OTUD3: variants seen among roughly 807,000 people sequenced by gnomAD.
OTUD3 encodes OTU domain-containing protein 3.
In OTUD3, 24 loss-of-function variants were observed where a neutral mutation model predicts 46.2. The ratio of observed to expected loss-of-function variants is 0.52; its 90% CI spans 0.38 to 0.73. The LOEUF (loss-of-function observed/expected upper bound fraction) is 0.73, where lower values mean the gene tolerates loss of function less well. Ranked by LOEUF, OTUD3 falls within the 30% of genes least tolerant of loss-of-function variation. OTUD3 has a pLI of 0.00. For synonymous variants in OTUD3, 189 were observed against 195.4 expected (o/e 0.97, Z 0.27); for missense variants, 455 against 523.3 (o/e 0.87, Z 1.27).
chr1:19,884,170 G>A (rs2045321986), intron 1 of OTUD3, among the ~76,000 whole-genome samples: 1 of 152,196 alleles, frequency 6.6e-6, no homozygotes, highest in African/African-American at 2.4e-5. Flanking sequence ...TGGAATTGGC[G>A]TGGGACATTG....
intron 4 of OTUD3, chr1:19,897,898 G>A (rs1213710937): frequency 1.6e-5 from 5 of 310,546 alleles, no homozygotes; most frequent in East Asian, 5.6e-5. Flanking sequence ...ATGTGTATAA[G>A]ATACATGGAA....
At chr1:19,898,925 C>T (rs1306628077) in intron 4 of OTUD3, among the ~76,000 whole-genome samples, 3 of 152,150 alleles carry the variant, frequency 2.0e-5, no homozygotes, top group African/African-American at 7.2e-5. Flanking sequence ...ATCTTCCCAC[C>T]TTGGCCTCAT....
rs1441376843 is a variant in OTUD3 at position 19,908,934 on chromosome 1, G to A, written c.*1188G>A. On this transcript the variant is annotated 3_prime_UTR_variant, in exon 8 of 8. Transcript: ENST00000375120. ...GCAGAGAAGAGAACATACTTTGGTT[G>A]AGGCCTTCGAATCACTCTTCAGTTC... 6.6e-6 allele frequency: 1 copy of A among 152,390 alleles called. No individual in the cohort carries two copies. The highest frequency in any genetic ancestry group is 1.5e-5 in the Non-Finnish European group (1 of 68,050). The allele number at this position is 152,390 out of a possible 1,614,324, so 9.4% of individuals were successfully genotyped here.
In OTUD3 at chr1:19,902,895, T is replaced by C. The variant is rs1197439497; in HGVS notation, c.607-1372T>C. On this transcript the variant is annotated intron_variant, in intron 4 of 7. Transcript: ENST00000375120. ...AATAATGGGGGGAGTGATTATTGTGTTTCTTCCTTTAGTGGGAATGAAGAC... is the reference window on the plus strand; with the variant it reads ...AATAATGGGGGGAGTGATTATTGTGCTTCTTCCTTTAGTGGGAATGAAGAC... Among the ~76,000 whole-genome samples, 9 of 152,308 alleles carry C rather than the reference T, an allele frequency of 5.9e-5. No homozygotes were observed. In the East Asian group the frequency reaches 1.7e-3, roughly 29 times the overall value.
chr1:19,892,661 A>G (rs925502260), intron 2 of OTUD3, among the ~76,000 whole-genome samples: 18 of 151,770 alleles, frequency 1.2e-4, no homozygotes, highest in African/African-American at 4.1e-4. Context: ...ACATGTTATC[A>G]CTCTACCTCA....
intron 4 of OTUD3, among the ~76,000 whole-genome samples, chr1:19,902,291 C>T (rs1393778233): frequency 4.6e-5 from 7 of 152,130 alleles, no homozygotes; most frequent in Non-Finnish European, 1.0e-4. Context: ...TGGCAAGCTC[C>T]GCCTCCCGGG....
chr1:19,907,779 C>T lies in OTUD3; in HGVS notation c.*33C>T. 1 of 1,605,246 alleles carries T rather than the reference C, an allele frequency of 6.2e-7. No individual in the cohort carries two copies. Among genetic ancestry groups the T allele is most frequent in the East Asian group, 2.2e-5 (1 of 44,778 alleles). On this transcript the variant is annotated 3_prime_UTR_variant, in exon 8 of 8. Coordinates refer to ENST00000375120, the MANE Select transcript of OTUD3 (RefSeq NM_015207.2). ...GCCTCTTGGGAGTTGTAAGAAGCGGCTGGAAAAGGATTGCTGTGTGCTAGA... is the reference window on the plus strand; with the variant it reads ...GCCTCTTGGGAGTTGTAAGAAGCGGTTGGAAAAGGATTGCTGTGTGCTAGA...
intron 2 of OTUD3, among the ~76,000 whole-genome samples, chr1:19,893,902 C>T (rs1308704631): frequency 6.6e-6 from 1 of 152,224 alleles, no homozygotes; most frequent in Admixed American, 6.5e-5. Flanking sequence ...GGTGAAACCT[C>T]AGCTCCACTG....
At chr1:19,886,332 T>G (rs1195324935) in intron 1 of OTUD3, among the ~76,000 whole-genome samples, 2 of 152,238 alleles carry the variant, frequency 1.3e-5, no homozygotes, top group African/African-American at 2.4e-5. Context: ...ATCACTAATT[T>G]TAGCTGTTTA....
Position 19,909,572 on chromosome 1 carries a change from C to T in OTUD3, c.*1826C>T, listed in dbSNP as rs1459830260. 6.6e-6 allele frequency: 1 copy of T among 152,336 alleles called. No individual in the cohort carries two copies. Among genetic ancestry groups the T allele is most frequent in the East Asian group, 1.9e-4 (1 of 5,332 alleles). 9.4% of individuals were successfully genotyped at this position (152,336 alleles called of 1,614,324 possible). ...TTTTCAACTCTGGGCAGATTCCTGACTGGCTGAGTGTTTCTGAATGAAGAT... is the reference window on the plus strand; with the variant it reads ...TTTTCAACTCTGGGCAGATTCCTGATTGGCTGAGTGTTTCTGAATGAAGAT... On this transcript the variant is annotated 3_prime_UTR_variant, in exon 8 of 8. Transcript: ENST00000375120.
chr1:19,892,331 G>A (rs1324583404), intron 2 of OTUD3, among the ~76,000 whole-genome samples: 1 of 152,176 alleles, frequency 6.6e-6, no homozygotes, highest in Non-Finnish European at 1.5e-5. Context: ...TTGAGTCATA[G>A]TTACCTGTTT....
chr1:19,909,231 A>G lies in OTUD3; in HGVS notation c.*1485A>G, dbSNP rs1469404103. ...CTGGAGTCGCCAGATTGTCTTTATC[A>G]CCAGGCCTTTGGCTTTCTTCAGTTT... On this transcript the variant is annotated 3_prime_UTR_variant, in exon 8 of 8. Transcript: ENST00000375120. 1.3e-5 allele frequency: 2 copies of G among 152,248 alleles called. No individual in the cohort carries two copies. Among genetic ancestry groups the G allele is most frequent in the Non-Finnish European group, 2.9e-5 (2 of 68,028 alleles). 9.4% of individuals were successfully genotyped at this position (152,248 alleles called of 1,614,324 possible).
intron 1 of OTUD3, 56 bp from the exon 2 acceptor site, chr1:19,890,329 T>A: frequency 6.5e-7 from 1 of 1,547,510 alleles, no homozygotes; most frequent in African/African-American, 1.4e-5. Context: ...CATCATTGTT[T>A]TAGACGAACT....
Position 19,912,216 on chromosome 1 carries a change from G to T in OTUD3, c.*4470G>T, listed in dbSNP as rs2045742323. 1 of 152,346 alleles carries T rather than the reference G, an allele frequency of 6.6e-6. No individual in the cohort carries two copies. Among genetic ancestry groups the T allele is most frequent in the Non-Finnish European group, 1.5e-5 (1 of 68,054 alleles). 9.4% of individuals were successfully genotyped at this position (152,346 alleles called of 1,614,324 possible). A position where few individuals can be genotyped will look rare whatever the true frequency, so the allele number is the denominator to read the frequency against. On this transcript the variant is annotated 3_prime_UTR_variant, in exon 8 of 8. Coordinates refer to ENST00000375120, the MANE Select transcript of OTUD3 (RefSeq NM_015207.2). ...TGCCGGACAGACTCTCTGTGGCCTG[G>T]CTCTCATCCTTGGCGTGTCAGCCTG...
chr1:19,882,897 G>A (rs1215594850), intron 1 of OTUD3, among the ~76,000 whole-genome samples, 163 bp downstream of exon 1: 5 of 152,240 alleles, frequency 3.3e-5, no homozygotes, highest in African/African-American at 1.2e-4. Flanking sequence ...TGCGAGTGAG[G>A]CGGACAAGCC....
intron 6 of OTUD3, 61 bp from the exon 7 acceptor site, chr1:19,906,371 C>G: frequency 6.8e-7 from 1 of 1,474,206 alleles, no homozygotes; most frequent in African/African-American, 1.4e-5. Flanking sequence ...ATCATTAATA[C>G]AGTCATCACC....
intron 7 of OTUD3, chr1:19,906,871 C>T (rs2045668615): frequency 1.6e-5 from 5 of 307,050 alleles, no homozygotes; most frequent in Non-Finnish European, 3.0e-5. Flanking sequence ...CCTTTTCCCA[C>T]CTAACATTAC....
At chr1:19,905,745 A>G (rs2045651012) in intron 6 of OTUD3, among the ~76,000 whole-genome samples, 1 of 150,936 alleles carries the variant, frequency 6.6e-6, no homozygotes, top group South Asian at 2.1e-4. Flanking sequence ...CCTCTCAAAA[A>G]AAAGAGAAAA....
chr1:19,912,824 C>T lies in OTUD3; in HGVS notation c.*5078C>T, dbSNP rs888469881. The T allele has an allele frequency of 2.0e-5, 3 of 152,210 alleles. No individual in the cohort carries two copies. The highest frequency in any genetic ancestry group is 4.4e-5 in the Non-Finnish European group (3 of 68,038). The allele number at this position is 152,210 out of a possible 1,614,324, so 9.4% of individuals were successfully genotyped here. ...TGGCTATTTGCAGTGTTTTCAAAAC[C>T]AAATGTTTCTTTTTTTGTGTTTTTA... is the stretch of plus-strand genomic sequence containing the variant. On this transcript the variant is annotated 3_prime_UTR_variant, in exon 8 of 8. Coordinates refer to ENST00000375120, the MANE Select transcript of OTUD3 (RefSeq NM_015207.2).
Sources: allele counts gnomAD v4.1 joint callset (sites outside exome capture counted in the v4.1 genomes callset), GRCh38; gene constraint gnomAD v4.1.1; transcripts MANE v1.5; gene names NCBI Gene and HGNC (gene_info 2026-07-23, HGNC 2026-07-21).